CMBL: variants seen among roughly 807,000 people sequenced by gnomAD.
CMBL encodes the protein carboxymethylenebutenolidase homolog (Pseudomonas).
In CMBL, 17 loss-of-function variants were observed where a neutral mutation model predicts 28.7. That is an observed-to-expected ratio of 0.59 (90% confidence interval 0.41 to 0.89). The LOEUF (loss-of-function observed/expected upper bound fraction) is 0.89. CMBL is among the 40% of genes least tolerant of loss of function. CMBL has a pLI of 0.00. For synonymous variants in CMBL, 106 were observed against 101.6 expected (o/e 1.04, Z -0.26); for missense variants, 310 against 298.5 (o/e 1.04, Z -0.28).
intron 1 of CMBL, among the ~76,000 whole-genome samples, chr5:10,293,977 A>G (rs1040532543): frequency 2.6e-5 from 4 of 152,212 alleles, no homozygotes; most frequent in African/African-American, 9.6e-5. Context: ...GTATTGGGGA[A>G]CAGCTTGTTG....
In CMBL at chr5:10,279,214, C is replaced by G. The variant is rs972357624; in HGVS notation, c.*1239G>C. 2.0e-5 allele frequency: 3 copies of G among 152,308 alleles called. No individual in the cohort carries two copies. In the South Asian group the frequency reaches 6.2e-4, roughly 32 times the overall value. The allele number at this position is 152,308 out of a possible 1,614,324, so 9.4% of individuals were successfully genotyped here. ...GCTTGGAAATCCACTGCTTAGGAGACAACAGCTGGGTGACAACTCTAGCCC... is the reference window on the plus strand; with the variant it reads ...GCTTGGAAATCCACTGCTTAGGAGAGAACAGCTGGGTGACAACTCTAGCCC... On this transcript the variant is annotated 3_prime_UTR_variant, in exon 6 of 6. Transcript: ENST00000296658.
intron 1 of CMBL, among the ~76,000 whole-genome samples, chr5:10,300,152 G>A (rs1053304010): frequency 6.6e-6 from 1 of 152,200 alleles, no homozygotes; most frequent in Non-Finnish European, 1.5e-5. Flanking sequence ...AATGACTGGT[G>A]TCCTTCTAAG....
intron 1 of CMBL, chr5:10,307,289 G>A (rs1747016374): frequency 1.3e-5 from 2 of 152,190 alleles, no homozygotes; most frequent in African/African-American, 2.4e-5. Flanking sequence ...ACGGCATGGT[G>A]GAAAGGCTCC....
chr5:10,307,822 C>T lies in CMBL; in HGVS notation c.-217G>A, dbSNP rs750332612. ...GGGCGGAGAGGTGGAGGAGGGAGGC[C>T]TGGGGGAAGAGAAATCTGCAAAGTC... is the stretch of plus-strand genomic sequence containing the variant. On this transcript the variant is annotated 5_prime_UTR_variant, in exon 1 of 6. Coordinates refer to ENST00000296658, the MANE Select transcript of CMBL (RefSeq NM_138809.4). 4.0e-5 allele frequency: 6 copies of T among 150,942 alleles called. No individual in the cohort carries two copies. Among genetic ancestry groups the T allele is most frequent in the Non-Finnish European group, 8.8e-5 (6 of 68,000 alleles). 9.4% of individuals were successfully genotyped at this position (150,942 alleles called of 1,614,324 possible). A position where few individuals can be genotyped will look rare whatever the true frequency, so the allele number is the denominator to read the frequency against.
intron 1 of CMBL, among the ~76,000 whole-genome samples, chr5:10,298,872 G>A (rs891051774): frequency 1.3e-5 from 2 of 152,122 alleles, no homozygotes; most frequent in Admixed American, 6.6e-5. Context: ...CAGCCTGGGC[G>A]ACAGAGCAAG....
intron 4 of CMBL, among the ~76,000 whole-genome samples, chr5:10,285,256 C>A (rs1391785518): frequency 6.6e-6 from 1 of 152,194 alleles, no homozygotes; most frequent in East Asian, 1.9e-4. Flanking sequence ...GCAACCTCCA[C>A]CTCCCGGGTT....
At chr5:10,286,256 T>C in intron 4 of CMBL, 98 bp downstream of exon 4, 1 of 1,204,760 alleles carries the variant, frequency 8.3e-7, no homozygotes, top group Non-Finnish European at 1.2e-6. Context: ...CTTCACATTA[T>C]TGGGGGTTGT....
chr5:10,289,086 C>T lies in CMBL; in HGVS notation c.216-557G>A, dbSNP rs559894458. On this transcript the variant is annotated intron_variant, in intron 2 of 5. Coordinates refer to ENST00000296658, the MANE Select transcript of CMBL (RefSeq NM_138809.4). This position sits in a 1 kb window ranked among gnomAD's most constrained non-coding sequence, Gnocchi z 4.3. ...CTGGCCCCAGTCCAGGTCGCTCTTCCATGCAAGTCAACCCAGAGGGATAGA... is the reference window on the plus strand; with the variant it reads ...CTGGCCCCAGTCCAGGTCGCTCTTCTATGCAAGTCAACCCAGAGGGATAGA... Among the ~76,000 whole-genome samples the T allele has an allele frequency of 6.6e-6, 1 of 152,316 alleles. No homozygotes were observed. The highest frequency in any genetic ancestry group is 2.1e-4 in the South Asian group (1 of 4,826).
At chr5:10,285,708 T>TC (rs1746588697) in intron 4 of CMBL, among the ~76,000 whole-genome samples, 1 of 148,862 alleles carries the variant, frequency 6.7e-6, no homozygotes, top group African/African-American at 2.5e-5. Context: ...TTCTTTTTTT[T>TC]TTTTTTTGAG....
chr5:10,284,552 TTTCAGTACAGAA>T (rs1456206479), intron 4 of CMBL, among the ~76,000 whole-genome samples: 1 of 152,240 alleles, frequency 6.6e-6, no homozygotes, highest in Non-Finnish European at 1.5e-5. Flanking sequence ...TGTTTTTCAC[TTTCAGTACAGAA>T]TTCAATAAAC....
intron 1 of CMBL, among the ~76,000 whole-genome samples, chr5:10,300,471 T>A (rs980689442): frequency 2.0e-5 from 3 of 152,100 alleles, no homozygotes; most frequent in Non-Finnish European, 4.4e-5. Flanking sequence ...TACACAACAG[T>A]TCGATGAACA....
At position 10,277,846 on chromosome 5, in the gene CMBL, A is replaced by G. The variant is rs1460919118; in HGVS notation, c.*2607T>C. On this transcript the variant is annotated 3_prime_UTR_variant, in exon 6 of 6. Coordinates refer to ENST00000296658, the MANE Select transcript of CMBL (RefSeq NM_138809.4). The stretch of plus-strand genomic sequence containing the variant: ...AGGCTGCCCAGGCCCCAAGCTCACC[A>G]TGAAGGATACAGCCACACCCTTGGT... 1.3e-5 allele frequency among the ~76,000 whole-genome samples: 2 copies of G among 152,232 alleles called. No individual in the cohort carries two copies. The highest frequency in any genetic ancestry group is 1.9e-4 in the East Asian group (1 of 5,198).
chr5:10,286,741 A>G (rs1420477252), intron 3 of CMBL, among the ~76,000 whole-genome samples: 1 of 152,148 alleles, frequency 6.6e-6, no homozygotes, highest in African/African-American at 2.4e-5. Context: ...TTCCCAAAAC[A>G]TAGGTCCAAC....
At chr5:10,281,606 C>T (rs566045897) in intron 5 of CMBL, among the ~76,000 whole-genome samples, 2 of 152,302 alleles carry the variant, frequency 1.3e-5, no homozygotes, top group South Asian at 2.1e-4. Flanking sequence ...AGGTCACAGA[C>T]TTTATTGTAA....
At chr5:10,280,771 TC>T in intron 5 of CMBL, 139 bp from the exon 6 acceptor site, 1 of 769,074 alleles carries the variant, frequency 1.3e-6, no homozygotes, top group Non-Finnish European at 2.0e-6. Flanking sequence ...CTGAATTCTT[TC>T]CCACTAATTT....
rs146582056 is a variant in CMBL, at chr5:10,289,038, C to A, written c.216-509G>T. Among the ~76,000 whole-genome samples the A allele has an allele frequency of 6.6e-6, 1 of 152,182 alleles. No individual in the cohort carries two copies. The highest frequency in any genetic ancestry group is 2.4e-5 in the African/African-American group (1 of 41,444). ...CCTATCCAGAGGGTATGTTCTAAGA[C>A]GGGCAGCAGAGCACAAACAAGCCTG... On this transcript the variant is annotated intron_variant, in intron 2 of 5. Coordinates refer to ENST00000296658, the MANE Select transcript of CMBL (RefSeq NM_138809.4). The surrounding 1 kb of genome is among the most constrained non-coding windows in gnomAD (Gnocchi z 4.3).
intron 4 of CMBL, 26 bp from the exon 5 acceptor site, chr5:10,282,314 T>A (rs1284786930): frequency 7.4e-7 from 1 of 1,349,778 alleles, no homozygotes; most frequent in Non-Finnish European, 1.1e-6. Flanking sequence ...AGAGGCATGA[T>A]GTCTGATCCC....
chr5:10,292,894 A>G (rs1013736735), intron 1 of CMBL, among the ~76,000 whole-genome samples: 1 of 152,092 alleles, frequency 6.6e-6, no homozygotes, highest in Non-Finnish European at 1.5e-5. Flanking sequence ...ACCCAAAGAC[A>G]TATGTAATTC....
At chr5:10,295,933 C>T (rs988277914) in intron 1 of CMBL, among the ~76,000 whole-genome samples, 2 of 152,198 alleles carry the variant, frequency 1.3e-5, no homozygotes, top group African/African-American at 4.8e-5. Context: ...AAGGGCCCCG[C>T]ACTTAGTGCT....
Sources: gnomAD v4.1 joint callset for allele counts (sites outside exome capture counted in the v4.1 genomes callset) on GRCh38, gnomAD v4.1.1 for gene constraint, Gnocchi (gnomAD v3.1) non-coding constraint, MANE v1.5 for transcripts, NCBI Gene and HGNC (gene_info 2026-07-23, HGNC 2026-07-21) for gene names.